The following RUVBL2 variants were observed in gnomAD, a reference collection of about 807,000 sequenced individuals.
RUVBL2 encodes ruvB-like 2.
A neutral mutation model predicts 57.9 loss-of-function variants in RUVBL2; 9 were observed. The ratio of observed to expected loss-of-function variants is 0.16; its 90% confidence interval spans 0.09 to 0.27. The LOEUF (loss-of-function observed/expected upper bound fraction) is 0.27. Among genes scored for constraint, RUVBL2 ranks in the 10% least tolerant of loss-of-function variants. RUVBL2 has a pLI of 1.00. For missense variants in RUVBL2, 456 were observed against 669.6 expected, an observed-to-expected ratio of 0.68 and a Z score of 3.52; for synonymous variants, 278 against 264.6, an observed-to-expected ratio of 1.05 and a Z score of -0.49.
At chr19:49,013,327 T>C (rs1219871917) in intron 11 of RUVBL2, among the ~76,000 whole-genome samples, 3 of 151,166 alleles carry the variant, frequency 2.0e-5, no homozygotes, top group Non-Finnish European at 3.0e-5. Context: ...CTCAAACTCC[T>C]GGGCTCAAGC....
At chr19:48,993,785 C>G, upstream of RUVBL2, 1 of 1,303,384 alleles carries the variant, frequency 7.7e-7, no homozygotes, top group African/African-American at 1.5e-5. Context: ...GCCACGCCCC[C>G]ACAATATTTA....
chr19:49,010,673 C>G (rs1181343718), intron 9 of RUVBL2, 62 bp downstream of exon 9: 1 of 1,600,114 alleles, frequency 6.2e-7, no homozygotes, highest in African/African-American at 1.3e-5. Context: ...CTCCCTCGGG[C>G]TCCCTCTGTT....
In RUVBL2 at chr19:49,014,589, G is replaced by A. The variant is rs2122660091; in HGVS notation, c.1107G>A (p.Gln369=). The change falls in exon 12 of 15, where the codon CAG becomes CAA. Residue 369 remains glutamine (Q), a synonymous_variant. Transcript: ENST00000595090. ...CCTACAGCGAGAAAGACACGAAGCA[G>A]ATCCTCCGCATCCGGTGCGGGCAGG... ...TTPYSEKDTK[Q]ILRIRCEEED... 6.2e-7 allele frequency: 1 copy of A among 1,614,096 alleles called. No individual in the cohort carries two copies. The highest frequency in any genetic ancestry group is 2.2e-5 in the East Asian group (1 of 44,886).
intron 1 of RUVBL2, chr19:48,994,970 A>T (rs1166300069): frequency 1.3e-5 from 2 of 151,980 alleles, no homozygotes; most frequent in East Asian, 3.9e-4. Flanking sequence ...GGCTGGGCTT[A>T]CAGGTGCCTC....
At chr19:49,010,362 C>T (rs2039389531) in intron 8 of RUVBL2, 126 bp from the exon 9 acceptor site, 1 of 978,760 alleles carries the variant, frequency 1.0e-6, no homozygotes, top group Non-Finnish European at 1.6e-6. Flanking sequence ...TTCCAGATGA[C>T]CCCATTTAGC....
rs1480679108 is a variant in RUVBL2 at position 49,007,126 on chromosome 19, G to A, written c.374G>A (p.Arg125Gln). Residue 125 changes from arginine (R) to glutamine (Q), a missense_variant, in exon 5 of 15, where the codon CGG becomes CAG. Physicochemically the swap from Arg to Gln is conservative, Grantham distance 43. Transcript: ENST00000595090. ...KTEALTQAFR[R>Q]SIGVRIKEET... ...GAGGCGCTGACGCAGGCCTTCCGGCGGTCCATCGGCGTTCGCATCAAGTAA... is the reference window on the plus strand; with the variant it reads ...GAGGCGCTGACGCAGGCCTTCCGGCAGTCCATCGGCGTTCGCATCAAGTAA... 1.4e-5 allele frequency: 23 copies of A among 1,613,186 alleles called. No individual in the cohort carries two copies. The Admixed American group carries it at 2.8e-4, about 20-fold the overall frequency.
At chr19:49,010,736 C>CTGTTT (rs2039404656) in intron 9 of RUVBL2, 125 bp downstream of exon 9, 2 of 1,367,346 alleles carry the variant, frequency 1.5e-6, no homozygotes, top group Non-Finnish European at 2.0e-6. Context: ...GTAACTCCGG[C>CTGTTT]CCGTGGCTGC....
upstream of RUVBL2, chr19:48,993,726 C>T (rs1164509272): frequency 1.0e-5 from 7 of 702,936 alleles, no homozygotes; most frequent in Non-Finnish European, 1.5e-5. Context: ...GAGTTCCGGA[C>T]GCCCGTCTTC....
At chr19:49,014,451 CCT>C in intron 11 of RUVBL2, 31 bp from the exon 12 acceptor site, 1 of 1,604,890 alleles carries the variant, frequency 6.2e-7, no homozygotes, top group East Asian at 2.2e-5. Context: ...GGAACATGCC[CCT>C]GACAGCCCCC....
chr19:48,994,074 C>A, intron 1 of RUVBL2, 151 bp downstream of exon 1: 2 of 575,630 alleles, frequency 3.5e-6, no homozygotes, highest in Non-Finnish European at 2.8e-6. Context: ...CTCGGCCACC[C>A]AGATCTGGGG....
chr19:49,010,151 T>A, intron 8 of RUVBL2, 85 bp downstream of exon 8: 1 of 1,194,532 alleles, frequency 8.4e-7, no homozygotes, highest in Non-Finnish European at 1.2e-6. Context: ...CCATGGGGTC[T>A]GGATCTTCCT....
intron 6 of RUVBL2, among the ~76,000 whole-genome samples, chr19:49,008,394 C>T (rs1330088774): frequency 6.7e-6 from 1 of 149,720 alleles, no homozygotes; most frequent in East Asian, 2.0e-4. Context: ...GCACCTGCCA[C>T]CACGCCCGGC....
chr19:49,015,753 C>A (rs563521941), intron 14 of RUVBL2, 64 bp from the exon 15 acceptor site: 2 of 1,611,324 alleles, frequency 1.2e-6, no homozygotes, highest in Non-Finnish European at 1.7e-6. Flanking sequence ...GGGAGCTCGG[C>A]GTAGAAGGCT....
rs543987885 is a variant in RUVBL2 at position 49,005,653 on chromosome 19, T to C, written c.265+1235T>C. On this transcript the variant is annotated intron_variant, in intron 4 of 14. Coordinates refer to ENST00000595090, the MANE Select transcript of RUVBL2 (RefSeq NM_006666.3). Reference sequence around the variant, plus strand: ...CTACTCTTCTTCATTTTTTTTTTTTTTTGAGACAGTTTCACTCTGTCGCTC... The same window carrying C: ...CTACTCTTCTTCATTTTTTTTTTTTCTTGAGACAGTTTCACTCTGTCGCTC... 5.1e-4 allele frequency among the ~76,000 whole-genome samples: 78 copies of C among 152,046 alleles called. 1 individual carries two copies. The South Asian group carries it at 7.7e-3, about 15-fold the overall frequency.
Position 48,996,009 on chromosome 19 carries a change from A to G in RUVBL2, c.12+2086A>G, listed in dbSNP as rs569209627. Among the ~76,000 whole-genome samples the G allele has an allele frequency of 2.1e-3, 319 of 150,546 alleles. 4 individuals are homozygous for G. Among genetic ancestry groups the G allele is most frequent in the African/African-American group, 7.5e-3 (306 of 41,022 alleles). ...CTCAAAAAAAAAAAAAAAAGAAAAGAAAAGAGAAGAAAATTAGCCAAGTGT... is the reference window on the plus strand; with the variant it reads ...CTCAAAAAAAAAAAAAAAAGAAAAGGAAAGAGAAGAAAATTAGCCAAGTGT... On this transcript the variant is annotated intron_variant, in intron 1 of 14. Transcript: ENST00000595090.
In RUVBL2 at chr19:49,011,829, A is replaced by C. The variant is rs73579798; in HGVS notation, c.1001+519A>C. Among the ~76,000 whole-genome samples the C allele has an allele frequency of 4.5e-4, 54 of 120,022 alleles. No homozygotes were observed. The highest frequency in any genetic ancestry group is 1.4e-3 in the African/African-American group (54 of 39,104). The allele number at this position is 120,022 out of a possible 152,430, so 78.7% of individuals were successfully genotyped here. ...GTTGCCAGCACCCTGTGCACGGGGA[A>C]CTCTTAATGTTGTGTTTGGCCTGAG... On this transcript the variant is annotated intron_variant, in intron 11 of 14. Coordinates refer to ENST00000595090, the MANE Select transcript of RUVBL2 (RefSeq NM_006666.3). The surrounding 1 kb of genome is among the most constrained non-coding windows in gnomAD (Gnocchi z 4.4).
At chr19:48,993,686 G>C (rs975096225), upstream of RUVBL2, 4 of 610,606 alleles carry the variant, frequency 6.6e-6, no homozygotes, top group African/African-American at 5.5e-5. Context: ...AAAAGGAGGA[G>C]GAGCCAGGAG....
intron 1 of RUVBL2, among the ~76,000 whole-genome samples, chr19:48,995,669 C>A (rs2039042354): frequency 6.6e-6 from 1 of 151,398 alleles, no homozygotes; most frequent in South Asian, 2.1e-4. Context: ...GGCAACATAG[C>A]GAAACCCTGT....
chr19:49,011,131 T>C lies in RUVBL2; in HGVS notation c.882+38T>C. The C allele has an allele frequency of 9.8e-7, 1 of 1,020,466 alleles. No individual in the cohort carries two copies. Among genetic ancestry groups the C allele is most frequent in the Non-Finnish European group, 1.4e-6 (1 of 692,248 alleles). The allele number at this position is 1,020,466 out of a possible 1,614,324, so 63.2% of individuals were successfully genotyped here. A position where few individuals can be genotyped will look rare whatever the true frequency, so the allele number is the denominator to read the frequency against. The stretch of plus-strand genomic sequence containing the variant: ...GACATGGCCGGGGCGGGTGGTGGGG[T>C]GGAGGTGGGCCGGGGAAGTGGGGAC... On this transcript the variant is annotated intron_variant, in intron 10 of 14. Transcript: ENST00000595090. The surrounding 1 kb of genome is among the most constrained non-coding windows in gnomAD (Gnocchi z 4.4).
Sources: allele counts gnomAD v4.1 joint callset (sites outside exome capture counted in the v4.1 genomes callset), GRCh38; gene constraint gnomAD v4.1.1; non-coding constraint Gnocchi (gnomAD v3.1); transcripts MANE v1.5; gene names NCBI Gene and HGNC (gene_info 2026-07-23, HGNC 2026-07-21).